MRTFA: variants seen among roughly 807,000 people sequenced by gnomAD.
The protein encoded by MRTFA is myocardin related transcription factor A.
MRTFA carries 20 observed loss-of-function variants against 83.5 expected under a neutral mutation model. The ratio of observed to expected loss-of-function variants is 0.24; its 90% CI spans 0.17 to 0.35. The LOEUF is 0.35. Ranked by LOEUF, MRTFA falls within the 10% of genes least tolerant of loss-of-function variation. The probability of loss-of-function intolerance (pLI) is 1.00; values close to 1 mark genes in which losing one functional copy is unlikely to be tolerated. For missense variants in MRTFA, 1,200 were observed against 1,224.7 expected (o/e 0.98, Z 0.30); for synonymous variants, 659 against 541.2 (o/e 1.22, Z -3.02).
At chr22:40,452,347 A>C (rs1022555947) in intron 4 of MRTFA, among the ~76,000 whole-genome samples, 1 of 152,180 alleles carries the variant, frequency 6.6e-6, no homozygotes, top group East Asian at 1.9e-4. Flanking sequence ...GCATGTGATT[A>C]AGATGTGTAT....
intron 3 of MRTFA, among the ~76,000 whole-genome samples, chr22:40,532,190 A>C (rs1291991368): frequency 6.6e-6 from 1 of 152,264 alleles, no homozygotes; most frequent in African/African-American, 2.4e-5. Context: ...CTCAAGGCTG[A>C]GAACACTGAG....
chr22:40,441,772 G>GC (rs1307145883), intron 4 of MRTFA, among the ~76,000 whole-genome samples: 1 of 151,812 alleles, frequency 6.6e-6, no homozygotes, highest in Non-Finnish European at 1.5e-5. Context: ...GGGTGACAGA[G>GC]CAAGACTCCA....
intron 1 of MRTFA, among the ~76,000 whole-genome samples, chr22:40,597,001 T>G (rs1163610528): frequency 6.6e-6 from 1 of 151,992 alleles, no homozygotes; most frequent in East Asian, 1.9e-4. Flanking sequence ...CAACTATTAC[T>G]CTACTCATCT....
chr22:40,416,085 ACACACCCCAT>A lies in MRTFA; in HGVS notation c.2578+891_2578+900del, dbSNP rs1184180711. On this transcript the variant is annotated intron_variant, in intron 14 of 14. Coordinates refer to ENST00000355630, the MANE Select transcript of MRTFA (RefSeq NM_020831.6). The surrounding 1 kb of genome is among the most constrained non-coding windows in gnomAD (Gnocchi z 4.2). Reference sequence around the variant, plus strand: ...TGTGAACCCTCCATTCGGTCTCGTGACACACCCCATCAGGGACCGCGCAATGTGGTCCCAC... The same window carrying A: ...TGTGAACCCTCCATTCGGTCTCGTGACAGGGACCGCGCAATGTGGTCCCAC... Among the ~76,000 whole-genome samples the A allele has an allele frequency of 6.6e-6, 1 of 152,056 alleles. No individual in the cohort carries two copies. The highest frequency in any genetic ancestry group is 2.4e-5 in the African/African-American group (1 of 41,388).
intron 1 of MRTFA, among the ~76,000 whole-genome samples, chr22:40,628,316 G>A (rs2056603730): frequency 6.6e-6 from 1 of 152,130 alleles, no homozygotes; most frequent in Non-Finnish European, 1.5e-5. Context: ...ACATGGACAT[G>A]TTACCTCACT....
At chr22:40,430,550 T>C (rs1011425218) in intron 6 of MRTFA, among the ~76,000 whole-genome samples, 3 of 150,838 alleles carry the variant, frequency 2.0e-5, no homozygotes, top group African/African-American at 7.3e-5. Context: ...AGCCAAAACC[T>C]TTTCTTCACT....
intron 1 of MRTFA, among the ~76,000 whole-genome samples, chr22:40,634,114 C>G (rs1013973488): frequency 1.3e-5 from 2 of 148,966 alleles, no homozygotes; most frequent in African/African-American, 2.5e-5. Context: ...TTTTTTGAGA[C>G]AGGGTCTCAC....
chr22:40,446,875 C>G (rs2053388256), intron 4 of MRTFA, among the ~76,000 whole-genome samples: 1 of 152,180 alleles, frequency 6.6e-6, no homozygotes, highest in Non-Finnish European at 1.5e-5. Context: ...GTGTCGGACC[C>G]TGTTTTAGTG....
chr22:40,618,970 A>T (rs1216265888), intron 1 of MRTFA, among the ~76,000 whole-genome samples: 2 of 150,474 alleles, frequency 1.3e-5, no homozygotes, highest in African/African-American at 4.9e-5. Context: ...CAAAAATAAA[A>T]ATAAAAATAA....
intron 4 of MRTFA, among the ~76,000 whole-genome samples, chr22:40,459,842 T>C (rs1295541316): frequency 1.9e-4 from 26 of 137,078 alleles, no homozygotes; most frequent in Middle Eastern, 7.5e-3. Flanking sequence ...TATATATATA[T>C]ATATATATAT....
chr22:40,511,998 G>A (rs565454210), intron 3 of MRTFA, among the ~76,000 whole-genome samples: 27 of 152,154 alleles, frequency 1.8e-4, no homozygotes, highest in Admixed American at 5.2e-4. Context: ...ATCCTGAGTA[G>A]TACAGAACGA....
rs1405065806 is a variant in MRTFA, at chr22:40,431,445, C to T, written c.399G>A (p.Arg133=). The T allele has an allele frequency of 6.2e-7, 1 of 1,613,992 alleles. No homozygotes were observed. Among genetic ancestry groups the T allele is most frequent in the Non-Finnish European group, 8.5e-7 (1 of 1,179,992 alleles). The change falls in exon 6 of 15, where the codon CGG becomes CGA. Residue 133 remains arginine, a synonymous_variant. Transcript: ENST00000355630. ...TCCTGACCAGCTCCGATCTCTCCGG[C>T]CGGGAACGAATCTTCCGTTTGAGAT...
intron 3 of MRTFA, among the ~76,000 whole-genome samples, chr22:40,551,498 G>T (rs2055443852): frequency 6.6e-6 from 1 of 152,060 alleles, no homozygotes; most frequent in South Asian, 2.1e-4. Flanking sequence ...CTCCCCAGTA[G>T]CTGGGTCTAC....
intron 4 of MRTFA, among the ~76,000 whole-genome samples, chr22:40,459,820 C>CACACAT (rs1602278609): frequency 1.2e-5 from 1 of 82,938 alleles, no homozygotes; most frequent in Non-Finnish European, 2.3e-5. Context: ...CACACACACA[C>CACACAT]ACATATATAC....
At chr22:40,621,121 G>A (rs1178464771) in intron 1 of MRTFA, among the ~76,000 whole-genome samples, 2 of 151,510 alleles carry the variant, frequency 1.3e-5, no homozygotes, top group Admixed American at 6.6e-5. Flanking sequence ...GATGGAGGCT[G>A]CATTGAGCCA....
At chr22:40,457,447 A>AAAGAAAG (rs2053608462) in intron 4 of MRTFA, among the ~76,000 whole-genome samples, 1 of 134,362 alleles carries the variant, frequency 7.4e-6, no homozygotes, top group Non-Finnish European at 1.6e-5. Flanking sequence ...AGAAAGAAAG[A>AAAGAAAG]AAGAAAGAAA....
chr22:40,629,456 T>C (rs1274871190), intron 1 of MRTFA, among the ~76,000 whole-genome samples: 2 of 109,976 alleles, frequency 1.8e-5, no homozygotes, highest in African/African-American at 7.3e-5. Flanking sequence ...AAAACATAAT[T>C]AAAAAAAAAA....
chr22:40,417,526 C>A, intron 12 of MRTFA, 33 bp from the exon 13 acceptor site: 1 of 1,410,440 alleles, frequency 7.1e-7, no homozygotes, highest in Non-Finnish European at 9.3e-7. Flanking sequence ...GACCAGTGGC[C>A]AGGGGGCTGG....
At position 40,418,409 on chromosome 22, in the gene MRTFA, C is replaced by G. The variant is rs538086886; in HGVS notation, c.2329G>C (p.Asp777His). 6.2e-7 allele frequency: 1 copy of G among 1,613,944 alleles called. No homozygotes were observed. Among genetic ancestry groups the G allele is most frequent in the Non-Finnish European group, 8.5e-7 (1 of 1,179,960 alleles). Residue 777 changes from aspartate to histidine, a missense_variant, in exon 12 of 15, where the codon GAC becomes CAC. By Grantham distance (81) the Asp-to-His change is moderately conservative. Coordinates refer to ENST00000355630, the MANE Select transcript of MRTFA (RefSeq NM_020831.6). ...CTCCCACTGGACAGGCCAGGGCTGT[C>G]TGCATTCTTATTGGTCACGGTGAGG...
Sources: gnomAD v4.1 joint callset for allele counts (sites outside exome capture counted in the v4.1 genomes callset) on GRCh38, gnomAD v4.1.1 for gene constraint, Gnocchi (gnomAD v3.1) non-coding constraint, MANE v1.5 for transcripts, NCBI Gene and HGNC (gene_info 2026-07-23, HGNC 2026-07-21) for gene names.